ACSM6: variants seen among roughly 807,000 people sequenced by gnomAD.
ACSM6 encodes the protein acyl-CoA synthetase medium chain family member 6.
Under a neutral mutation model 51.1 loss-of-function variants are expected in ACSM6, and 35 were observed. The ratio of observed to expected loss-of-function variants is 0.69; its 90% CI spans 0.52 to 0.91. The LOEUF is 0.91. ACSM6 is among the 40% of genes least tolerant of loss of function. The probability of loss-of-function intolerance (pLI) is 0.00; values close to 1 mark genes in which losing one functional copy is unlikely to be tolerated. For missense variants in ACSM6, 509 were observed against 584.1 expected (o/e 0.87, Z 1.32); for synonymous variants, 172 against 207.3 (o/e 0.83, Z 1.46).
At chr10:95,198,964 G>C (rs2034763786) in intron 2 of ACSM6, among the ~76,000 whole-genome samples, 1 of 152,078 alleles carries the variant, frequency 6.6e-6, no homozygotes, top group African/African-American at 2.4e-5. Flanking sequence ...TCTCCATCAA[G>C]CTACCAAAGA....
intron 8 of ACSM6, among the ~76,000 whole-genome samples, chr10:95,217,507 T>A (rs57693248): frequency 1.3e-5 from 2 of 149,590 alleles, no homozygotes; most frequent in African/African-American, 4.9e-5. Flanking sequence ...TCAAATAGCA[T>A]GGGAGAAATA....
chr10:95,202,191 C>T, exon 3 of ACSM6: 4 of 1,551,892 alleles, frequency 2.6e-6, no homozygotes, highest in Non-Finnish European at 3.5e-6. Context: ...CCTGTGTGCG[C>T]TTGGGTGAGG....
intron 9 of ACSM6, among the ~76,000 whole-genome samples, chr10:95,220,778 C>G (rs539096431): frequency 6.6e-6 from 1 of 152,084 alleles, no homozygotes; most frequent in African/African-American, 2.4e-5. Flanking sequence ...GGAAGTTAAC[C>G]TAATACATTG....
intron 7 of ACSM6, among the ~76,000 whole-genome samples, chr10:95,214,414 A>C (rs2034924039): frequency 6.6e-6 from 1 of 152,216 alleles, no homozygotes. Context: ...GAAACTTATA[A>C]TATCTAGAGA....
At chr10:95,202,087 G>T in exon 3 of ACSM6, 1 of 1,552,108 alleles carries the variant, frequency 6.4e-7, no homozygotes, top group African/African-American at 1.4e-5. Flanking sequence ...CAAGAAGGCC[G>T]CCAGCATCCT....
At chr10:95,228,043 A>G (rs2035057615) in intron 10 of ACSM6, among the ~76,000 whole-genome samples, 1 of 152,144 alleles carries the variant, frequency 6.6e-6, no homozygotes, top group Admixed American at 6.6e-5. Flanking sequence ...CTGCATTCCA[A>G]CTTGCGTGAC....
intron 8 of ACSM6, among the ~76,000 whole-genome samples, chr10:95,216,871 T>C (rs2034950038): frequency 6.6e-6 from 1 of 152,134 alleles, no homozygotes; most frequent in African/African-American, 2.4e-5. Flanking sequence ...ATGTGAAAAG[T>C]TTCTGGAAGG....
intron 2 of ACSM6, among the ~76,000 whole-genome samples, chr10:95,199,194 C>T (rs1330438225): frequency 1.3e-5 from 2 of 152,140 alleles, no homozygotes; most frequent in African/African-American, 4.8e-5. Flanking sequence ...AGAAATAATG[C>T]CGCATATCTA....
chr10:95,219,931 C>T (rs1207343365), exon 9 of ACSM6: 1 of 1,613,570 alleles, frequency 6.2e-7, no homozygotes, highest in Non-Finnish European at 8.5e-7. Context: ...AAATTGAAGC[C>T]AAGCTCTCTG....
chr10:95,194,749 A>T, intron 2 of ACSM6, 72 bp downstream of exon 2: 1 of 1,369,338 alleles, frequency 7.3e-7, no homozygotes, highest in African/African-American at 1.5e-5. Flanking sequence ...AGATCATGAG[A>T]TTCATATCCC....
At chr10:95,217,280 G>A (rs576269801) in intron 8 of ACSM6, among the ~76,000 whole-genome samples, 29 of 148,708 alleles carry the variant, frequency 2.0e-4, no homozygotes, top group Admixed American at 2.6e-4. Context: ...TCTGGGAGGC[G>A]GAGGTTGCAG....
intron 10 of ACSM6, chr10:95,226,134 A>C (rs963564711): frequency 3.9e-5 from 6 of 152,194 alleles, no homozygotes; most frequent in African/African-American, 1.4e-4. Context: ...TCCATTGTAA[A>C]GGTACATTTT....
chr10:95,202,222 G>A (rs1326950111), intron 3 of ACSM6, 27 bp downstream of exon 3: 2 of 1,529,666 alleles, frequency 1.3e-6, no homozygotes, highest in African/African-American at 1.4e-5. Context: ...GGACCCCAGG[G>A]GTTGGAGGCT....
chr10:95,214,943 G>T, exon 8 of ACSM6: 1 of 1,551,574 alleles, frequency 6.4e-7, no homozygotes, highest in Non-Finnish European at 8.7e-7. Flanking sequence ...CACTAAGTTG[G>T]ACATCTATGA....
At chr10:95,208,678 G>GTACATT (rs2034865645) in intron 4 of ACSM6, among the ~76,000 whole-genome samples, 1 of 151,962 alleles carries the variant, frequency 6.6e-6, no homozygotes, top group Non-Finnish European at 1.5e-5. Flanking sequence ...TTTTATTACA[G>GTACATT]TACATTGTTA....
At chr10:95,200,439 T>C (rs2034780400) in intron 2 of ACSM6, among the ~76,000 whole-genome samples, 1 of 151,088 alleles carries the variant, frequency 6.6e-6, no homozygotes, top group African/African-American at 2.4e-5. Flanking sequence ...ATGGCACATG[T>C]ATACACATGT....
At chr10:95,211,521 A>G (rs1038650259) in intron 5 of ACSM6, among the ~76,000 whole-genome samples, 42 of 152,366 alleles carry the variant, frequency 2.8e-4, no homozygotes, top group African/African-American at 9.9e-4. Flanking sequence ...TCTCATAAGC[A>G]ACAACGGCCA....
At chr10:95,223,491 C>A (rs1275118306) in intron 9 of ACSM6, among the ~76,000 whole-genome samples, 1 of 152,016 alleles carries the variant, frequency 6.6e-6, no homozygotes, top group Non-Finnish European at 1.5e-5. Flanking sequence ...TATACCATAA[C>A]CAAGTGGAAT....
Position 95,194,517 on chromosome 10 carries a change from TC to T in ACSM6, c.34del (p.Arg12GlyfsTer30), listed in dbSNP as rs374138819. The T allele has an allele frequency of 7.7e-6, 12 of 1,551,734 alleles. No homozygotes were observed. In the African/African-American group the frequency reaches 1.4e-4, roughly 18 times the overall value. Reference sequence around the variant, plus strand: ...GGCCGATTTCAACCCTTCTCCTTGGTCCGGAGTTTCAGACTGGGATTTGAAG... The same window carrying T: ...GGCCGATTTCAACCCTTCTCCTTGGTCGGAGTTTCAGACTGGGATTTGAAG... On this transcript the variant is annotated frameshift_variant, in exon 2 of 11. Transcript: ENST00000341686. LOFTEE classifies it high-confidence loss of function.
Sources: allele counts gnomAD v4.1 joint callset (sites outside exome capture counted in the v4.1 genomes callset), GRCh38; gene constraint gnomAD v4.1.1; transcripts MANE v1.5; gene names NCBI Gene and HGNC (gene_info 2026-07-23, HGNC 2026-07-21).